The following TSNARE1 variants were observed in gnomAD, a reference collection of about 807,000 sequenced individuals.
The protein encoded by TSNARE1 is t-SNARE domain containing 1, also known as t-SNARE domain-containing protein 1.
In TSNARE1, 49 loss-of-function variants were observed where a neutral mutation model predicts 62.0. The ratio of observed to expected loss-of-function variants is 0.79; its 90% CI spans 0.63 to 1.00. The LOEUF (loss-of-function observed/expected upper bound fraction) is 1.00. Among genes scored for constraint, TSNARE1 ranks in the 50% least tolerant of loss-of-function variants. The pLI is 0.00. For synonymous variants in TSNARE1, 328 were observed against 294.4 expected, an observed-to-expected ratio of 1.11 and a Z score of -1.17; for missense variants, 755 against 700.1, an observed-to-expected ratio of 1.08 and a Z score of -0.88.
chr8:142,362,129 C>A (rs577779435), intron 1 of TSNARE1, among the ~76,000 whole-genome samples: 1 of 152,334 alleles, frequency 6.6e-6, no homozygotes, highest in East Asian at 1.9e-4. Context: ...TTTCACCACA[C>A]CCCTAACACA....
chr8:142,397,831 C>T (rs1367623437), intron 1 of TSNARE1, among the ~76,000 whole-genome samples: 2 of 152,188 alleles, frequency 1.3e-5, no homozygotes, highest in African/African-American at 4.8e-5. Context: ...GCAGCCACCA[C>T]AAGGCACCCA....
intron 9 of TSNARE1, among the ~76,000 whole-genome samples, chr8:142,308,919 C>G (rs773326854): frequency 3.3e-5 from 5 of 152,304 alleles, no homozygotes; most frequent in Non-Finnish European, 7.3e-5. Flanking sequence ...TGGGTGAGAG[C>G]TGACATCTCC....
chr8:142,299,654 T>A (rs1825367962), intron 10 of TSNARE1, among the ~76,000 whole-genome samples: 1 of 150,474 alleles, frequency 6.6e-6, no homozygotes, highest in South Asian at 2.1e-4. Context: ...CACGCACGCA[T>A]ACTTGCATGC....
chr8:142,370,124 A>G (rs1234558984), intron 1 of TSNARE1, among the ~76,000 whole-genome samples: 2 of 152,230 alleles, frequency 1.3e-5, no homozygotes, highest in East Asian at 3.8e-4. Context: ...TCTAGGAACT[A>G]GGACATAGGC....
chr8:142,385,859 G>C (rs1345818767), intron 1 of TSNARE1, among the ~76,000 whole-genome samples: 1 of 152,178 alleles, frequency 6.6e-6, no homozygotes, highest in East Asian at 1.9e-4. Flanking sequence ...AGCTTCTGTA[G>C]GTCAGAAGTC....
intron 12 of TSNARE1, among the ~76,000 whole-genome samples, chr8:142,244,618 T>A (rs1325093973): frequency 6.6e-6 from 1 of 152,214 alleles, no homozygotes; most frequent in East Asian, 1.9e-4. Flanking sequence ...AAGGTGATTC[T>A]AAAATACGTA....
intron 13 of TSNARE1, among the ~76,000 whole-genome samples, chr8:142,229,186 G>C (rs1378986987): frequency 6.6e-6 from 1 of 151,750 alleles, no homozygotes; most frequent in African/African-American, 2.4e-5. Flanking sequence ...TGGATGGACA[G>C]ATGGTGAATG....
intron 12 of TSNARE1, among the ~76,000 whole-genome samples, chr8:142,241,781 T>C (rs908574124): frequency 2.0e-5 from 3 of 151,356 alleles, no homozygotes; most frequent in African/African-American, 7.3e-5. Flanking sequence ...CAAATGGTGC[T>C]GGGAAAACCG....
intron 13 of TSNARE1, among the ~76,000 whole-genome samples, chr8:142,215,048 C>T (rs1209091822): frequency 2.0e-5 from 3 of 152,210 alleles, no homozygotes; most frequent in Non-Finnish European, 4.4e-5. Flanking sequence ...ATGCTCCTAG[C>T]CAGACAGTTG....
intron 1 of TSNARE1, among the ~76,000 whole-genome samples, chr8:142,401,695 AGAG>A (rs1216789092): frequency 2.0e-5 from 3 of 152,150 alleles, no homozygotes; most frequent in South Asian, 2.1e-4. Context: ...CCAGGCCAGC[AGAG>A]GAGGAGAGAA....
chr8:142,385,776 C>T (rs1217871649), intron 1 of TSNARE1, among the ~76,000 whole-genome samples: 1 of 152,194 alleles, frequency 6.6e-6, no homozygotes, highest in Non-Finnish European at 1.5e-5. Flanking sequence ...AGAAGGTGTA[C>T]TAGTTTCCAA....
chr8:142,305,923 A>ACTC (rs1826593518), intron 9 of TSNARE1, among the ~76,000 whole-genome samples: 1 of 151,802 alleles, frequency 6.6e-6, no homozygotes. Context: ...GTGGGAAGAG[A>ACTC]CTCCGCTCTG....
intron 1 of TSNARE1, 48 bp from the exon 2 acceptor site, chr8:142,354,811 T>C (rs765076776): frequency 1.7e-5 from 20 of 1,152,298 alleles, no homozygotes; most frequent in Non-Finnish European, 2.6e-5. Flanking sequence ...GACATGGGGA[T>C]TAAAGCTCCA....
chr8:142,313,180 G>A (rs1474183459), intron 9 of TSNARE1, among the ~76,000 whole-genome samples: 1 of 152,104 alleles, frequency 6.6e-6, no homozygotes, highest in Non-Finnish European at 1.5e-5. Context: ...GTGTTTATCT[G>A]CATGTCTACA....
At chr8:142,317,395 C>A (rs888835021) in intron 7 of TSNARE1, among the ~76,000 whole-genome samples, 1 of 143,438 alleles carries the variant, frequency 7.0e-6, no homozygotes, top group East Asian at 2.0e-4. Flanking sequence ...ACACTGTACG[C>A]GTGAAGCGGG....
Position 142,335,715 on chromosome 8 carries a change from A to G in TSNARE1, c.746-3884T>C, listed in dbSNP as rs78499036. 1.0e-2 allele frequency among the ~76,000 whole-genome samples: 1,520 copies of G among 152,334 alleles called. 14 individuals are homozygous for G. The highest frequency in any genetic ancestry group is 0.021 in the East Asian group (107 of 5,192). The stretch of plus-strand genomic sequence containing the variant: ...ATGAAGGCCTTACACTTAATGATGC[A>G]TGAGCCGAAGACGGCTCGTCCACTC... On this transcript the variant is annotated intron_variant, in intron 4 of 13. Coordinates refer to ENST00000524325, the MANE Select transcript of TSNARE1 (RefSeq NM_145003.5).
intron 10 of TSNARE1, among the ~76,000 whole-genome samples, chr8:142,290,318 G>T (rs550368080): frequency 6.6e-6 from 1 of 152,250 alleles, no homozygotes; most frequent in Non-Finnish European, 1.5e-5. Flanking sequence ...ACCCTGGCAC[G>T]GCAGCCAGAG....
chr8:142,226,931 AACC>A (rs1563760263), intron 13 of TSNARE1, among the ~76,000 whole-genome samples: 9 of 142,994 alleles, frequency 6.3e-5, no homozygotes, highest in African/African-American at 1.0e-4. Flanking sequence ...CTGCACCCAC[AACC>A]CCAGTGACAG....
chr8:142,277,316 A>G (rs1820662940), intron 11 of TSNARE1: 1 of 985,192 alleles, frequency 1.0e-6, no homozygotes, highest in Non-Finnish European at 1.2e-6. Context: ...CTCCCCAGAC[A>G]CTCGCAGAGC....
Sources: allele counts gnomAD v4.1 joint callset (sites outside exome capture counted in the v4.1 genomes callset), GRCh38; gene constraint gnomAD v4.1.1; transcripts MANE v1.5; gene names NCBI Gene and HGNC (gene_info 2026-07-23, HGNC 2026-07-21).